CCDC15: variants seen among roughly 807,000 people sequenced by gnomAD.
CCDC15 encodes coiled-coil domain-containing protein 15.
In CCDC15, 105 loss-of-function variants were observed where a neutral mutation model predicts 114.5. The observed-to-expected ratio is 0.92, with a 90% confidence interval of 0.78 to 1.08. The LOEUF (loss-of-function observed/expected upper bound fraction) is 1.08, where lower values mean the gene tolerates loss of function less well. Among genes scored for constraint, CCDC15 ranks in the 50% least tolerant of loss-of-function variants. The probability of loss-of-function intolerance (pLI) is 0.00; values close to 1 mark genes in which losing one functional copy is unlikely to be tolerated. For missense variants in CCDC15, 1,105 were observed against 1,093.6 expected, an observed-to-expected ratio of 1.01 and a Z score of -0.15; for synonymous variants, 334 against 377.8, an observed-to-expected ratio of 0.88 and a Z score of 1.34.
chr11:125,009,531 G>A (rs933771242), intron 13 of CCDC15, among the ~76,000 whole-genome samples: 7 of 152,016 alleles, frequency 4.6e-5, no homozygotes, highest in Admixed American at 1.3e-4. Flanking sequence ...AGATTCAGGG[G>A]GTACAGGTGC....
chr11:125,011,846 G>T (rs1591608130), intron 13 of CCDC15, among the ~76,000 whole-genome samples: 1 of 152,164 alleles, frequency 6.6e-6, no homozygotes, highest in Non-Finnish European at 1.5e-5. Flanking sequence ...TGACTAGAAG[G>T]TCGGACTCAA....
At chr11:125,018,816 T>C (rs968925283) in intron 13 of CCDC15, among the ~76,000 whole-genome samples, 1 of 151,764 alleles carries the variant, frequency 6.6e-6, no homozygotes, top group African/African-American at 2.4e-5. Context: ...AAAGCCAAAG[T>C]TGGGGATATG....
intron 11 of CCDC15, among the ~76,000 whole-genome samples, chr11:124,999,241 A>G (rs959606070): frequency 6.6e-6 from 1 of 152,110 alleles, no homozygotes; most frequent in African/African-American, 2.4e-5. Flanking sequence ...GTGTCTGGGC[A>G]TAATGTTTTT....
At chr11:125,028,674 A>G (rs1948720283) in intron 13 of CCDC15, among the ~76,000 whole-genome samples, 1 of 152,136 alleles carries the variant, frequency 6.6e-6, no homozygotes, top group Admixed American at 6.5e-5. Flanking sequence ...GAGTTCATTT[A>G]TCAGTTCTAG....
intron 4 of CCDC15, 70 bp downstream of exon 4, chr11:124,960,073 C>A: frequency 8.2e-7 from 1 of 1,212,958 alleles, no homozygotes; most frequent in Non-Finnish European, 1.1e-6. Context: ...AATATGACAT[C>A]TAGGGTATGA....
chr11:125,013,780 A>G (rs931619424), intron 13 of CCDC15, among the ~76,000 whole-genome samples: 1 of 152,210 alleles, frequency 6.6e-6, no homozygotes, highest in Non-Finnish European at 1.5e-5. Context: ...ATTTATATGC[A>G]TGTGAAAATA....
At chr11:124,985,751 T>C (rs1341334833) in intron 6 of CCDC15, among the ~76,000 whole-genome samples, 1 of 151,026 alleles carries the variant, frequency 6.6e-6, no homozygotes. Flanking sequence ...ATATAATATG[T>C]ATATATTCTG....
intron 13 of CCDC15, among the ~76,000 whole-genome samples, chr11:125,019,055 A>T (rs1195292973): frequency 6.6e-6 from 1 of 152,060 alleles, no homozygotes; most frequent in Non-Finnish European, 1.5e-5. Context: ...AAGGAAAGAC[A>T]TGATTGTAAA....
intron 13 of CCDC15, among the ~76,000 whole-genome samples, chr11:125,025,010 G>A (rs1948686054): frequency 7.4e-6 from 1 of 134,860 alleles, no homozygotes; most frequent in Non-Finnish European, 1.6e-5. Flanking sequence ...ATATATATAT[G>A]AATATATATA....
chr11:124,961,178 C>T lies in CCDC15; in HGVS notation c.516+1175C>T, dbSNP rs1221930076. ...TTAAGACAGACACAGTCCTTGCTTT[C>T]GTGGTGCTTGTAGCTGTTAGTCCCA... is the stretch of plus-strand genomic sequence containing the variant. On this transcript the variant is annotated intron_variant, in intron 4 of 15. Coordinates refer to ENST00000344762, the MANE Select transcript of CCDC15 (RefSeq NM_025004.3). Among the ~76,000 whole-genome samples the T allele has an allele frequency of 4.6e-5, 7 of 152,198 alleles. No homozygotes were observed. In the East Asian group the frequency reaches 5.8e-4, roughly 13 times the overall value.
chr11:125,017,331 T>G (rs1948634954), intron 13 of CCDC15, among the ~76,000 whole-genome samples: 1 of 152,094 alleles, frequency 6.6e-6, no homozygotes, highest in Non-Finnish European at 1.5e-5. Flanking sequence ...GACTAACCAG[T>G]GGGGAAGCAG....
chr11:124,955,488 A>G (rs558660912), intron 2 of CCDC15, among the ~76,000 whole-genome samples: 50 of 152,286 alleles, frequency 3.3e-4, no homozygotes, highest in African/African-American at 1.2e-3. Context: ...CACTTACCAC[A>G]TTGTGTTATA....
intron 6 of CCDC15, 82 bp downstream of exon 6, chr11:124,977,682 T>TAAGA: frequency 7.4e-7 from 1 of 1,355,414 alleles, no homozygotes; most frequent in South Asian, 1.5e-5. Flanking sequence ...GATAAAGGGT[T>TAAGA]AAGATATCCA....
chr11:124,988,948 T>G (rs1948222654), intron 8 of CCDC15, among the ~76,000 whole-genome samples: 1 of 152,142 alleles, frequency 6.6e-6, no homozygotes, highest in African/African-American at 2.4e-5. Flanking sequence ...TCCATGAGGG[T>G]TCGAATCAAC....
intron 13 of CCDC15, among the ~76,000 whole-genome samples, chr11:125,034,459 G>A (rs936100985): frequency 2.0e-5 from 3 of 152,176 alleles, no homozygotes; most frequent in African/African-American, 7.2e-5. Context: ...CAGGAGATAA[G>A]ACTCTTACTC....
At chr11:125,029,271 T>A (rs994563110) in intron 13 of CCDC15, among the ~76,000 whole-genome samples, 2 of 152,158 alleles carry the variant, frequency 1.3e-5, no homozygotes, top group Non-Finnish European at 2.9e-5. Flanking sequence ...CCAATCAAGT[T>A]GACACTCCGT....
At chr11:125,005,997 A>G (rs1477334061) in intron 13 of CCDC15, among the ~76,000 whole-genome samples, 3 of 152,166 alleles carry the variant, frequency 2.0e-5, no homozygotes, top group Non-Finnish European at 1.5e-5. Flanking sequence ...GCCAATATTT[A>G]GCAATTATGA....
chr11:124,958,535 T>G lies in CCDC15; in HGVS notation c.178-580T>G, dbSNP rs189671903. On this transcript the variant is annotated intron_variant, in intron 2 of 15. Coordinates refer to ENST00000344762, the MANE Select transcript of CCDC15 (RefSeq NM_025004.3). ...TACCCTTATAGTGAAGGCTCTGTAC[T>G]AGATGCCGTAGGGGAAATAAAGGAG... Among the ~76,000 whole-genome samples, 403 of 152,294 alleles carry G rather than the reference T, an allele frequency of 2.6e-3. 4 individuals are homozygous for G. The highest frequency in any genetic ancestry group is 9.0e-3 in the African/African-American group (374 of 41,544).
At chr11:125,008,766 C>T (rs1324306834) in intron 13 of CCDC15, among the ~76,000 whole-genome samples, 3 of 151,774 alleles carry the variant, frequency 2.0e-5, no homozygotes, top group Non-Finnish European at 2.9e-5. Context: ...GATCTCGGCT[C>T]ACTGCAACCT....
Sources: allele counts gnomAD v4.1 joint callset (sites outside exome capture counted in the v4.1 genomes callset), GRCh38; gene constraint gnomAD v4.1.1; transcripts MANE v1.5; gene names NCBI Gene and HGNC (gene_info 2026-07-23, HGNC 2026-07-21).